ST18: variants seen among roughly 807,000 people sequenced by gnomAD.
The protein encoded by ST18 is suppression of tumorigenicity 18 protein.
Under a neutral mutation model 110.0 loss-of-function variants are expected in ST18, and 50 were observed. The observed-to-expected ratio is 0.45, with a 90% confidence interval of 0.36 to 0.58. The LOEUF (loss-of-function observed/expected upper bound fraction) is 0.58. Among genes scored for constraint, ST18 ranks in the 20% least tolerant of loss-of-function variants. ST18 has a pLI of 0.00. For missense variants in ST18, 1,306 were observed against 1,280.1 expected, an observed-to-expected ratio of 1.02 and a Z score of -0.31; for synonymous variants, 461 against 452.4, an observed-to-expected ratio of 1.02 and a Z score of -0.24.
intron 2 of ST18, among the ~76,000 whole-genome samples, chr8:52,327,535 ACT>A (rs1807056921): frequency 6.6e-6 from 1 of 152,190 alleles, no homozygotes; most frequent in South Asian, 2.1e-4. Context: ...ATCTCTGGTT[ACT>A]CTGATATTCT....
intron 2 of ST18, among the ~76,000 whole-genome samples, chr8:52,346,962 C>T (rs1056364773): frequency 1.2e-4 from 19 of 152,166 alleles, no homozygotes; most frequent in Middle Eastern, 3.4e-3. Flanking sequence ...AAACCATGGT[C>T]TAAGTAAAAA....
At chr8:52,393,395 C>G (rs1212599608) in intron 2 of ST18, among the ~76,000 whole-genome samples, 3 of 152,084 alleles carry the variant, frequency 2.0e-5, no homozygotes, top group Non-Finnish European at 4.4e-5. Flanking sequence ...AGACTCAGTC[C>G]TGAACTAGTG....
At chr8:52,260,714 A>T (rs1464018409) in intron 2 of ST18, among the ~76,000 whole-genome samples, 3 of 152,154 alleles carry the variant, frequency 2.0e-5, no homozygotes, top group African/African-American at 7.2e-5. Context: ...ATACACATAC[A>T]CACACTGCAA....
chr8:52,355,286 C>G (rs544620482), intron 2 of ST18, among the ~76,000 whole-genome samples: 1 of 152,340 alleles, frequency 6.6e-6, no homozygotes, highest in Non-Finnish European at 1.5e-5. Flanking sequence ...GCTTTGGTAA[C>G]TGGGCTCATG....
chr8:52,195,635 A>G (rs181696594), intron 8 of ST18, among the ~76,000 whole-genome samples: 3 of 152,302 alleles, frequency 2.0e-5, no homozygotes, highest in Admixed American at 2.0e-4. Context: ...TTGATCTTGG[A>G]TAAGTACTGG....
chr8:52,311,942 T>C (rs1282373346), intron 2 of ST18, among the ~76,000 whole-genome samples: 1 of 152,200 alleles, frequency 6.6e-6, no homozygotes, highest in Non-Finnish European at 1.5e-5. Context: ...AATGTTGGCA[T>C]TGAGTGGGTA....
chr8:52,142,802 C>A lies in ST18; in HGVS notation c.2168+128G>T, dbSNP rs1384834805. ...TAGCTCAGGTTAGATGCGTGTTTAA[C>A]GTTTAACTGCTGACTGGTAGAAATC... is the stretch of plus-strand genomic sequence containing the variant. On this transcript the variant is annotated intron_variant, in intron 17 of 25. Transcript: ENST00000689386. 5 of 662,602 alleles carry A rather than the reference C, an allele frequency of 7.5e-6. No individual in the cohort carries two copies. The East Asian group carries it at 1.3e-4, about 17-fold the overall frequency. 41.0% of individuals were successfully genotyped at this position (662,602 alleles called of 1,614,324 possible).
At chr8:52,286,639 C>G (rs1472009642) in intron 2 of ST18, among the ~76,000 whole-genome samples, 1 of 151,946 alleles carries the variant, frequency 6.6e-6, no homozygotes, top group Non-Finnish European at 1.5e-5. Context: ...TGGGTCACCT[C>G]CATTTTGTAC....
intron 7 of ST18, among the ~76,000 whole-genome samples, chr8:52,213,167 A>G (rs1226832891): frequency 6.6e-6 from 1 of 152,198 alleles, no homozygotes; most frequent in Non-Finnish European, 1.5e-5. Context: ...TTAGGTAGAA[A>G]AAATCTAATA....
intron 16 of ST18, among the ~76,000 whole-genome samples, chr8:52,143,483 C>CA (rs111472492): frequency 0.22 from 33,060 of 148,762 alleles, 4,394 homozygotes; most frequent in African/African-American, 0.38. Context: ...GACTCCGTCT[C>CA]AAAAAAAAAG....
At chr8:52,289,710 CCTT>C (rs748697872) in intron 2 of ST18, among the ~76,000 whole-genome samples, 12 of 152,106 alleles carry the variant, frequency 7.9e-5, no homozygotes, top group Non-Finnish European at 1.3e-4. Flanking sequence ...CAGATGATCA[CCTT>C]CTGTCAAATT....
At chr8:52,397,238 T>C (rs1841454570) in intron 2 of ST18, among the ~76,000 whole-genome samples, 1 of 152,198 alleles carries the variant, frequency 6.6e-6, no homozygotes, top group Non-Finnish European at 1.5e-5. Flanking sequence ...CTAGTAATGT[T>C]GCACACCTCT....
rs373597160 is a variant in ST18, at chr8:52,402,931, GGA to G, written c.-465+6395_-465+6396del. 4.8e-3 allele frequency among the ~76,000 whole-genome samples: 730 copies of G among 152,244 alleles called. 2 individuals are homozygous for G. The highest frequency in any genetic ancestry group is 8.0e-3 in the Non-Finnish European group (542 of 68,008). On this transcript the variant is annotated intron_variant, in intron 2 of 25. Coordinates refer to ENST00000689386, the MANE Select transcript of ST18 (RefSeq NM_001352837.2). Reference sequence around the variant, plus strand: ...GGGGTGTGGCTGCTCTGCTGGGCTGGGATCCAGGAACCTGAAGAGCACACTGC... The same window carrying G: ...GGGGTGTGGCTGCTCTGCTGGGCTGGTCCAGGAACCTGAAGAGCACACTGC...
intron 2 of ST18, among the ~76,000 whole-genome samples, chr8:52,392,972 G>A (rs1029204077): frequency 6.6e-6 from 1 of 152,184 alleles, no homozygotes; most frequent in Non-Finnish European, 1.5e-5. Context: ...AGTAGCCTCT[G>A]ATCCTTTGTT....
At chr8:52,159,475 G>C (rs182754056) in intron 14 of ST18, among the ~76,000 whole-genome samples, 1 of 152,146 alleles carries the variant, frequency 6.6e-6, no homozygotes, top group Admixed American at 6.6e-5. Flanking sequence ...AGAGTTTAAG[G>C]CATGCCCATT....
intron 2 of ST18, among the ~76,000 whole-genome samples, chr8:52,320,376 G>C (rs1461437930): frequency 1.3e-5 from 2 of 151,536 alleles, no homozygotes; most frequent in Admixed American, 6.6e-5. Flanking sequence ...TCCTACTATT[G>C]ATTTTTTTTT....
chr8:52,131,873 G>A, intron 22 of ST18, 85 bp downstream of exon 22: 1 of 1,262,416 alleles, frequency 7.9e-7, no homozygotes. Flanking sequence ...AACCTTTAGG[G>A]GGTTGTTCAC....
chr8:52,371,203 C>T (rs1333925277), intron 2 of ST18, among the ~76,000 whole-genome samples: 7 of 152,124 alleles, frequency 4.6e-5, no homozygotes, highest in African/African-American at 7.2e-5. Flanking sequence ...GTGTGCTGCT[C>T]GACTCTTAGC....
chr8:52,167,556 A>G (rs2063426191), intron 10 of ST18, among the ~76,000 whole-genome samples: 1 of 152,234 alleles, frequency 6.6e-6, no homozygotes, highest in South Asian at 2.1e-4. Context: ...GTCCAGTGCT[A>G]GTGATTCACG....
Sources: gnomAD v4.1 joint callset for allele counts (sites outside exome capture counted in the v4.1 genomes callset) on GRCh38, gnomAD v4.1.1 for gene constraint, MANE v1.5 for transcripts, NCBI Gene and HGNC (gene_info 2026-07-23, HGNC 2026-07-21) for gene names.